Variants in STARD13 observed in about 807,000 individuals in gnomAD.
STARD13 encodes the protein StAR related lipid transfer domain containing 13.
Under a neutral mutation model 106.4 loss-of-function variants are expected in STARD13, and 62 were observed. That is an observed-to-expected ratio of 0.58 (90% CI 0.48 to 0.72). The LOEUF (loss-of-function observed/expected upper bound fraction) is 0.72, where lower values mean the gene tolerates loss of function less well. STARD13 is among the 30% of genes least tolerant of loss of function. The pLI is 0.00. For synonymous variants in STARD13, 565 were observed against 553.0 expected (o/e 1.02, Z -0.31); for missense variants, 1,387 against 1,424.0 (o/e 0.97, Z 0.42).
intron 1 of STARD13, among the ~76,000 whole-genome samples, chr13:33,188,811 T>C (rs904759341): frequency 2.0e-5 from 3 of 152,244 alleles, no homozygotes; most frequent in African/African-American, 7.2e-5. Context: ...CCTGGCTCTG[T>C]GCTTTCTTCA....
At chr13:33,241,257 A>C (rs1209833157) in intron 1 of STARD13, among the ~76,000 whole-genome samples, 1 of 152,170 alleles carries the variant, frequency 6.6e-6, no homozygotes, top group Non-Finnish European at 1.5e-5. Flanking sequence ...TCTTAGCACT[A>C]ATGGAGGTCA....
the STARD13 span, among the ~76,000 whole-genome samples, chr13:33,399,700 C>CAA: frequency 0.097 from 2,554 of 26,466 alleles, 313 homozygotes; most frequent in East Asian, 0.39. Context: ...GACTCTGTCT[C>CAA]AAAAAAAAAA....
intron 1 of STARD13, among the ~76,000 whole-genome samples, chr13:33,283,409 T>C (rs1186531871): frequency 6.6e-6 from 1 of 152,162 alleles, no homozygotes; most frequent in East Asian, 1.9e-4. Context: ...TGCCTCTGTT[T>C]TCTCATCTGT....
chr13:33,359,199 G>A, the STARD13 span, among the ~76,000 whole-genome samples: 1 of 152,204 alleles, frequency 6.6e-6, no homozygotes, highest in East Asian at 1.9e-4. Flanking sequence ...TTGGGTCCAC[G>A]CTGCTTTTAT....
chr13:33,393,541 G>A, the STARD13 span, among the ~76,000 whole-genome samples: 3 of 151,918 alleles, frequency 2.0e-5, no homozygotes, highest in Non-Finnish European at 2.9e-5. Flanking sequence ...CTGCTCAGAG[G>A]GTCAAATGAG....
chr13:33,184,117 T>G (rs1008160021), intron 1 of STARD13, among the ~76,000 whole-genome samples: 2 of 152,222 alleles, frequency 1.3e-5, no homozygotes, highest in Non-Finnish European at 2.9e-5. Context: ...TGTAGCTTGT[T>G]GGACACCTCC....
rs528117282 is a variant in STARD13 at position 33,166,413 on chromosome 13, C to T, written c.242-995G>A. On this transcript the variant is annotated intron_variant, in intron 2 of 13. Coordinates refer to ENST00000336934, the MANE Select transcript of STARD13 (RefSeq NM_178006.4). ...TCCTCCTGGGCTCTGGCACTCTCTT[C>T]CTTGGCCTGTCCCTTTGGGCTCATG... 2.0e-5 allele frequency among the ~76,000 whole-genome samples: 3 copies of T among 152,232 alleles called. No individual in the cohort carries two copies. In the East Asian group the frequency reaches 5.8e-4, roughly 29 times the overall value.
At chr13:33,481,296 A>G in the STARD13 span, among the ~76,000 whole-genome samples, 1 of 152,190 alleles carries the variant, frequency 6.6e-6, no homozygotes, top group Non-Finnish European at 1.5e-5. Context: ...ACCATTTGCA[A>G]TTCTTGAGAA....
the STARD13 span, among the ~76,000 whole-genome samples, chr13:33,620,885 C>G: frequency 6.6e-6 from 1 of 151,230 alleles, no homozygotes; most frequent in Non-Finnish European, 1.5e-5. Flanking sequence ...ACCTATGGAT[C>G]AAAGAATAAA....
chr13:33,509,381 C>A, the STARD13 span, among the ~76,000 whole-genome samples: 2 of 152,118 alleles, frequency 1.3e-5, no homozygotes, highest in African/African-American at 4.8e-5. Context: ...AAATTTAGTA[C>A]AAGCAGGAAA....
Position 33,130,166 on chromosome 13 carries a change from A to G in STARD13, c.511T>C (p.Ser171Pro). Residue 171 changes from serine to proline, a missense_variant, in exon 5 of 14, where the codon TCA becomes CCA. Coordinates refer to ENST00000336934, the MANE Select transcript of STARD13 (RefSeq NM_178006.4). The surrounding 1 kb of genome is among the most constrained non-coding windows in gnomAD (Gnocchi z 4.1). ...TLLPRGDRNGSPGGTGMRNTT... is the reference protein window; with the variant it reads ...TLLPRGDRNGPPGGTGMRNTT... ...TTCCTCATCCCCGTGCCTCCCGGTG[A>G]CCCATTTCTGTCTCCTCGAGGGAGC... The G allele has an allele frequency of 6.2e-7, 1 of 1,613,898 alleles. No homozygotes were observed. The highest frequency in any genetic ancestry group is 8.5e-7 in the Non-Finnish European group (1 of 1,179,994).
At chr13:33,542,956 C>G in the STARD13 span, among the ~76,000 whole-genome samples, 1 of 152,232 alleles carries the variant, frequency 6.6e-6, no homozygotes. Context: ...CGAGTCTCCG[C>G]CCCGCCGAGT....
upstream of STARD13, among the ~76,000 whole-genome samples, chr13:33,351,740 C>T (rs1391071396): frequency 6.6e-6 from 1 of 152,192 alleles, no homozygotes; most frequent in Admixed American, 6.5e-5. Context: ...CAAGCTGCCA[C>T]ATAAGAACCA....
the STARD13 span, among the ~76,000 whole-genome samples, chr13:33,577,328 C>T: frequency 1.3e-5 from 2 of 152,078 alleles, no homozygotes; most frequent in African/African-American, 4.8e-5. Context: ...ACAGGTTTTC[C>T]CTCAGCTATA....
chr13:33,146,201 G>A (rs922785731), intron 3 of STARD13, among the ~76,000 whole-genome samples: 1 of 152,178 alleles, frequency 6.6e-6, no homozygotes, highest in African/African-American at 2.4e-5. Flanking sequence ...GCACATGCCT[G>A]TAATCCCAGC....
At chr13:33,266,759 C>T (rs1040856117) in intron 1 of STARD13, among the ~76,000 whole-genome samples, 4 of 152,292 alleles carry the variant, frequency 2.6e-5, no homozygotes, top group East Asian at 3.9e-4. Context: ...CTAAGCCATA[C>T]GCTCCCTTGA....
chr13:33,214,691 TGCACACATAC>T, intron 1 of STARD13, among the ~76,000 whole-genome samples: 1 of 112,592 alleles, frequency 8.9e-6, no homozygotes, highest in Non-Finnish European at 1.7e-5. Context: ...CACACACACA[TGCACACATAC>T]ACACACACAC....
chr13:33,358,305 G>T, the STARD13 span, among the ~76,000 whole-genome samples: 1 of 152,220 alleles, frequency 6.6e-6, no homozygotes, highest in African/African-American at 2.4e-5. Flanking sequence ...TCCCCGAGGA[G>T]CACCACCCCC....
chr13:33,136,035 C>T (rs138522282), intron 4 of STARD13, among the ~76,000 whole-genome samples: 1 of 152,010 alleles, frequency 6.6e-6, no homozygotes, highest in African/African-American at 2.4e-5. Context: ...GGCAGGAGAT[C>T]GCTTGAACCC....
Sources: allele counts gnomAD v4.1 joint callset (sites outside exome capture counted in the v4.1 genomes callset), GRCh38; gene constraint gnomAD v4.1.1; non-coding constraint Gnocchi (gnomAD v3.1); transcripts MANE v1.5; gene names NCBI Gene and HGNC (gene_info 2026-07-23, HGNC 2026-07-21).